Variants in SLC5A4 observed in about 807,000 individuals in gnomAD.
SLC5A4 encodes the protein probable glucose sensor protein SLC5A4.
A neutral mutation model predicts 70.3 loss-of-function variants in SLC5A4; 55 were observed. The ratio of observed to expected loss-of-function variants is 0.78; its 90% CI spans 0.63 to 0.98. The LOEUF is 0.98. Among genes scored for constraint, SLC5A4 ranks in the 50% least tolerant of loss-of-function variants. The pLI is 0.00. For synonymous variants in SLC5A4, 268 were observed against 305.7 expected (o/e 0.88, Z 1.29); for missense variants, 735 against 839.2 (o/e 0.88, Z 1.53).
chr22:32,265,124 G>A, the SLC5A4 span, among the ~76,000 whole-genome samples: 2 of 152,160 alleles, frequency 1.3e-5, no homozygotes, highest in South Asian at 2.1e-4. Flanking sequence ...TCCTTGCCAG[G>A]CATGGTGGCT....
the SLC5A4 span, among the ~76,000 whole-genome samples, chr22:32,328,294 C>G: frequency 6.6e-6 from 1 of 152,176 alleles, no homozygotes; most frequent in Non-Finnish European, 1.5e-5. Context: ...TGCAGCTACT[C>G]ACACCCTCCT....
intron 13 of SLC5A4, among the ~76,000 whole-genome samples, chr22:32,223,396 C>G (rs1468470401): frequency 6.6e-6 from 1 of 152,198 alleles, no homozygotes; most frequent in Non-Finnish European, 1.5e-5. Context: ...AATCTACGCA[C>G]TCTCCAACAG....
the SLC5A4 span, among the ~76,000 whole-genome samples, chr22:32,330,018 GTCTGTGTGTTGGGGGCTCTGGTC>G: frequency 6.7e-3 from 76 of 11,280 alleles, 29 homozygotes; most frequent in South Asian, 0.019. Flanking sequence ...GGGCTCTGGT[GTCTGTGTGTTGGGGGCTCTGGTC>G]TGTGTGTGTT....
chr22:32,297,540 C>A, the SLC5A4 span, among the ~76,000 whole-genome samples: 4 of 78,582 alleles, frequency 5.1e-5, 1 homozygote, highest in Non-Finnish European at 1.0e-4. Flanking sequence ...TGATTCTTCT[C>A]TCTTTTTTTC....
At chr22:32,247,604 G>T in intron 4 of SLC5A4, 89 bp from the exon 5 acceptor site, 1 of 835,594 alleles carries the variant, frequency 1.2e-6, no homozygotes, top group South Asian at 1.4e-5. Flanking sequence ...ACCTGTGAGT[G>T]AAAGTCCTGT....
chr22:32,308,029 G>C, the SLC5A4 span, among the ~76,000 whole-genome samples: 1 of 152,174 alleles, frequency 6.6e-6, no homozygotes, highest in Non-Finnish European at 1.5e-5. Context: ...GATAAGACAT[G>C]TTCCCAGTAA....
the SLC5A4 span, among the ~76,000 whole-genome samples, chr22:32,260,621 T>C: frequency 4.6e-5 from 7 of 151,546 alleles, no homozygotes; most frequent in African/African-American, 1.7e-4. Context: ...GAGGGAGAAA[T>C]CTACTCATGG....
intron 11 of SLC5A4, among the ~76,000 whole-genome samples, chr22:32,227,860 G>A (rs941925198): frequency 5.3e-5 from 8 of 152,020 alleles, no homozygotes; most frequent in East Asian, 1.9e-4. Flanking sequence ...GCTTGAACTC[G>A]GGAGGCTGAG....
At chr22:32,241,481 T>C (rs1926503716) in intron 5 of SLC5A4, among the ~76,000 whole-genome samples, 1 of 152,202 alleles carries the variant, frequency 6.6e-6, no homozygotes, top group Non-Finnish European at 1.5e-5. Flanking sequence ...TCTGAATTCA[T>C]AGTTTGTTTT....
chr22:32,249,986 T>C (rs1927047520), intron 3 of SLC5A4, among the ~76,000 whole-genome samples: 1 of 152,174 alleles, frequency 6.6e-6, no homozygotes, highest in Non-Finnish European at 1.5e-5. Flanking sequence ...TCTAGTGTGG[T>C]CCAGGGCAGT....
At chr22:32,285,711 AT>A in the SLC5A4 span, among the ~76,000 whole-genome samples, 3 of 88,376 alleles carry the variant, frequency 3.4e-5, no homozygotes, top group African/African-American at 1.2e-4. Context: ...TTCTTTTTTT[AT>A]TTTTATTTTA....
the SLC5A4 span, among the ~76,000 whole-genome samples, chr22:32,351,737 T>G: frequency 0.022 from 57 of 2,612 alleles, no homozygotes; most frequent in South Asian, 0.036. Context: ...GTGGGGGCGG[T>G]GGGGGGAGGG....
chr22:32,297,295 G>T, the SLC5A4 span, among the ~76,000 whole-genome samples: 19 of 148,860 alleles, frequency 1.3e-4, no homozygotes, highest in East Asian at 3.8e-3. Context: ...GACTCTTTTT[G>T]GTTGGTAAGC....
At chr22:32,316,934 C>CTCTCTGTGTGTGTGTGTGTG in the SLC5A4 span, among the ~76,000 whole-genome samples, 1 of 148,622 alleles carries the variant, frequency 6.7e-6, no homozygotes, top group African/African-American at 2.5e-5. Context: ...ATTAACAACT[C>CTCTCTGTGTGTGTGTGTGTG]TGTGTGTGTG....
At chr22:32,339,189 G>A in the SLC5A4 span, among the ~76,000 whole-genome samples, 1 of 152,232 alleles carries the variant, frequency 6.6e-6, no homozygotes, top group Non-Finnish European at 1.5e-5. Flanking sequence ...ACGCAAAGCA[G>A]TCGTAGCTGC....
In SLC5A4 at chr22:32,239,032, A is replaced by C. The variant is rs747186568; in HGVS notation, c.536T>G (p.Leu179Arg). ...IKLALGLDLY[L>R]AIFILLAMTA... is the part of the protein sequence containing the mutation. ...CATAGCCAAGAGGATGAAGATTGCCAGGTAAAGGTCCAATCCCAAGGCCAG... is the reference window on the plus strand; with the variant it reads ...CATAGCCAAGAGGATGAAGATTGCCCGGTAAAGGTCCAATCCCAAGGCCAG... The change falls in exon 6 of 15, where the codon CTG (leucine) becomes CGG (arginine). Residue 179 changes from leucine (L) to arginine (R), a missense_variant. Transcript: ENST00000266086. 2 of 1,613,940 alleles carry C rather than the reference A, an allele frequency of 1.2e-6. No homozygotes were observed. Among genetic ancestry groups the C allele is most frequent in the Non-Finnish European group, 1.7e-6 (2 of 1,179,936 alleles).
the SLC5A4 span, among the ~76,000 whole-genome samples, chr22:32,268,942 G>C: frequency 6.6e-6 from 1 of 152,158 alleles, no homozygotes; most frequent in Non-Finnish European, 1.5e-5. Context: ...TTTCGCCCAG[G>C]CTGAGTGCAG....
the SLC5A4 span, among the ~76,000 whole-genome samples, chr22:32,337,270 T>G: frequency 6.6e-6 from 1 of 152,194 alleles, no homozygotes. Context: ...AGAAACACAT[T>G]GGCTGTAATC....
chr22:32,292,151 ATAT>A, the SLC5A4 span, among the ~76,000 whole-genome samples: 1 of 54,664 alleles, frequency 1.8e-5, no homozygotes, highest in Non-Finnish European at 3.8e-5. Flanking sequence ...TATATTCTAT[ATAT>A]TATATATATA....
Sources: allele counts gnomAD v4.1 joint callset (sites outside exome capture counted in the v4.1 genomes callset), GRCh38; gene constraint gnomAD v4.1.1; transcripts MANE v1.5; gene names NCBI Gene and HGNC (gene_info 2026-07-23, HGNC 2026-07-21).